Variants in ANK2 observed in about 807,000 individuals in gnomAD.
ANK2 encodes ankyrin 2.
Under a neutral mutation model 360.5 loss-of-function variants are expected in ANK2, and 83 were observed. That is an observed-to-expected ratio of 0.23 (90% CI 0.19 to 0.28). The LOEUF (loss-of-function observed/expected upper bound fraction) is 0.28, where lower values mean the gene tolerates loss of function less well. Ranked by LOEUF, ANK2 falls within the 10% of genes least tolerant of loss-of-function variation. ANK2 has a pLI of 1.00. For synonymous variants in ANK2, 1,740 were observed against 1,759.5 expected (o/e 0.99, Z 0.28); for missense variants, 4,201 against 4,795.7 (o/e 0.88, Z 3.66).
chr4:112,806,070 A>T, the ANK2 span, among the ~76,000 whole-genome samples: 1 of 152,154 alleles, frequency 6.6e-6, no homozygotes, highest in South Asian at 2.1e-4. Context: ...ACATTCCAAC[A>T]TTCCTCTCTT....
chr4:113,122,559 A>G (rs1439241235), intron 1 of ANK2, among the ~76,000 whole-genome samples: 49 of 152,264 alleles, frequency 3.2e-4, no homozygotes, highest in Non-Finnish European at 8.8e-5. Flanking sequence ...CAGTATTTCC[A>G]GAAACCACAT....
intron 2 of ANK2, among the ~76,000 whole-genome samples, chr4:112,941,397 C>G (rs906609155): frequency 2.7e-4 from 38 of 143,328 alleles, no homozygotes; most frequent in Non-Finnish European, 4.8e-4. Flanking sequence ...AGAGTATGAA[C>G]TATATGAACC....
intron 26 of ANK2, among the ~76,000 whole-genome samples, chr4:113,319,539 T>TA (rs1309091855): frequency 6.6e-6 from 1 of 151,842 alleles, no homozygotes; most frequent in Non-Finnish European, 1.5e-5. Context: ...GATCCTTTCT[T>TA]ATTTTTATTA....
chr4:112,809,953 A>T, the ANK2 span, among the ~76,000 whole-genome samples: 2 of 151,814 alleles, frequency 1.3e-5, no homozygotes, highest in South Asian at 4.2e-4. Context: ...TCAAATATTA[A>T]AATAAATAGA....
At chr4:113,106,997 C>G (rs770883955) in intron 1 of ANK2, 6 of 502,764 alleles carry the variant, frequency 1.2e-5, no homozygotes, top group Non-Finnish European at 2.4e-5. Flanking sequence ...TACTTGGTGT[C>G]AAATGGTGAT....
chr4:112,779,108 T>A, the ANK2 span, among the ~76,000 whole-genome samples: 1 of 152,232 alleles, frequency 6.6e-6, no homozygotes, highest in Non-Finnish European at 1.5e-5. Flanking sequence ...TTGTTAGTGC[T>A]GTTTTCTGGG....
rs1468505239 is a variant in ANK2 at position 113,357,459 on chromosome 4, T to A, written c.8841T>A (p.Asp2947Glu). 1 of 1,613,996 alleles carries A rather than the reference T, an allele frequency of 6.2e-7. No homozygotes were observed. The highest frequency in any genetic ancestry group is 1.3e-5 in the African/African-American group (1 of 74,922). Residue 2947 changes from aspartate to glutamate, a missense_variant, in exon 38 of 46, where the codon GAT becomes GAA. Asp to Glu is a conservative substitution (Grantham distance 45, BLOSUM62 2). Coordinates refer to ENST00000357077, the MANE Select transcript of ANK2 (RefSeq NM_001148.6). ...GTGAAGAAAGCAAAACCCAAACAGA[T>A]GCAAATCACACCACAAGTTTTCACT... Reference protein sequence around the residue: ...FSSEESKTQTDANHTTSFHSS... With the variant: ...FSSEESKTQTEANHTTSFHSS...
rs578223054 is a variant in ANK2 at position 113,262,845 on chromosome 4, G to A, written c.1387-2052G>A. 3.9e-4 allele frequency among the ~76,000 whole-genome samples: 59 copies of A among 151,910 alleles called. 1 individual carries two copies. The highest frequency in any genetic ancestry group is 3.4e-3 in the Middle Eastern group (1 of 294). On this transcript the variant is annotated intron_variant, in intron 13 of 45. Transcript: ENST00000357077. ...TATTTTGGTATTGGTGGGGGAAACA[G>A]GAGGCCTGGGACCAATCCCTCACCA...
chr4:112,900,099 A>G (rs2082865492), intron 1 of ANK2, among the ~76,000 whole-genome samples: 1 of 152,166 alleles, frequency 6.6e-6, no homozygotes, highest in African/African-American at 2.4e-5. Context: ...CTTAGCTTCA[A>G]AAATCGTCAT....
At chr4:113,319,795 G>A (rs2085022774) in intron 26 of ANK2, among the ~76,000 whole-genome samples, 1 of 151,964 alleles carries the variant, frequency 6.6e-6, no homozygotes, top group South Asian at 2.1e-4. Flanking sequence ...TTTAAAAAAA[G>A]AAAGCTATAG....
chr4:112,906,189 ATTTGGTAGGGAG>A (rs2085133202), intron 2 of ANK2, among the ~76,000 whole-genome samples: 1 of 152,176 alleles, frequency 6.6e-6, no homozygotes, highest in Non-Finnish European at 1.5e-5. Context: ...AAGAATAATG[ATTTGGTAGGGAG>A]TGTCAAATGT....
At chr4:112,915,704 G>A (rs1340745162) in intron 2 of ANK2, among the ~76,000 whole-genome samples, 18 of 150,902 alleles carry the variant, frequency 1.2e-4, no homozygotes, top group African/African-American at 3.4e-4. Flanking sequence ...GCAGTAAGTC[G>A]AGATTGCACC....
At chr4:112,970,506 C>T (rs2039124644) in intron 2 of ANK2, among the ~76,000 whole-genome samples, 1 of 152,120 alleles carries the variant, frequency 6.6e-6, no homozygotes, top group Non-Finnish European at 1.5e-5. Context: ...AGGTGTGCAC[C>T]ACCATGCCCA....
intron 2 of ANK2, among the ~76,000 whole-genome samples, chr4:113,013,121 C>T (rs1240726285): frequency 1.3e-5 from 2 of 152,012 alleles, no homozygotes; most frequent in South Asian, 2.1e-4. Flanking sequence ...TAAAGTGATC[C>T]TAGCTAGCAT....
At chr4:112,719,114 A>T in the ANK2 span, among the ~76,000 whole-genome samples, 3 of 152,158 alleles carry the variant, frequency 2.0e-5, no homozygotes, top group Non-Finnish European at 4.4e-5. Context: ...TACATGTATT[A>T]TTTCATCCTC....
the ANK2 span, among the ~76,000 whole-genome samples, chr4:112,792,421 C>G: frequency 2.0e-5 from 3 of 152,112 alleles, no homozygotes; most frequent in Non-Finnish European, 2.9e-5. Context: ...AGAATTGGAC[C>G]TAGTGACAAC....
chr4:112,964,528 G>A (rs181795499), intron 2 of ANK2, among the ~76,000 whole-genome samples: 48 of 150,636 alleles, frequency 3.2e-4, no homozygotes, highest in Non-Finnish European at 3.0e-4. Context: ...TTATGGCTGC[G>A]TAGTACTCCT....
chr4:113,126,194 A>G (rs1474404350), intron 1 of ANK2, among the ~76,000 whole-genome samples: 2 of 152,200 alleles, frequency 1.3e-5, no homozygotes, highest in Non-Finnish European at 2.9e-5. Flanking sequence ...AAATTCACAG[A>G]GAAATATCAT....
chr4:112,831,905 C>T (rs941856132), intron 1 of ANK2, among the ~76,000 whole-genome samples: 1 of 152,118 alleles, frequency 6.6e-6, no homozygotes, highest in African/African-American at 2.4e-5. Context: ...ACTCCTGAGG[C>T]CAGCGAGACC....
Sources: gnomAD v4.1 joint callset for allele counts (sites outside exome capture counted in the v4.1 genomes callset) on GRCh38, gnomAD v4.1.1 for gene constraint, MANE v1.5 for transcripts, NCBI Gene and HGNC (gene_info 2026-07-23, HGNC 2026-07-21) for gene names.